Variants in RAB30 observed in about 807,000 individuals in gnomAD.
RAB30 encodes the protein RAB30, member RAS oncogene family.
A neutral mutation model predicts 25.1 loss-of-function variants in RAB30; 9 were observed. The ratio of observed to expected loss-of-function variants is 0.36; its 90% CI spans 0.22 to 0.63. RAB30 has a LOEUF of 0.63. Among genes scored for constraint, RAB30 ranks in the 20% least tolerant of loss-of-function variants. The pLI is 0.69. For missense variants in RAB30, 140 were observed against 243.5 expected (o/e 0.58, Z 2.83); for synonymous variants, 77 against 86.4 (o/e 0.89, Z 0.60).
chr11:83,070,983 C>T (rs1400950767), intron 1 of RAB30, among the ~76,000 whole-genome samples: 1 of 152,208 alleles, frequency 6.6e-6, no homozygotes, highest in African/African-American at 2.4e-5. Context: ...ACAAATCTGT[C>T]GGCTCCACTT....
At chr11:83,028,192 CA>C (rs1857770246) in intron 1 of RAB30, among the ~76,000 whole-genome samples, 1 of 152,028 alleles carries the variant, frequency 6.6e-6, no homozygotes, top group South Asian at 2.1e-4. Flanking sequence ...ACATAGAGAA[CA>C]AAAAGAGCTC....
Position 83,069,464 on chromosome 11 carries a change from G to A in RAB30, c.-9+2227C>T, listed in dbSNP as rs143417953. Among the ~76,000 whole-genome samples the A allele has an allele frequency of 2.4e-4, 37 of 152,268 alleles. No individual in the cohort carries two copies. The East Asian group carries it at 6.7e-3, about 28-fold the overall frequency. ...ATAACAAACTTCTTTCCTGCACAGA[G>A]GAGAAGAAACAACCAGGGTGGGTGG... On this transcript the variant is annotated intron_variant, in intron 1 of 4. Coordinates refer to ENST00000527633, the MANE Select transcript of RAB30 (RefSeq NM_001286060.2).
intron 4 of RAB30, among the ~76,000 whole-genome samples, chr11:82,985,241 A>G (rs1856719025): frequency 6.6e-6 from 1 of 152,242 alleles, no homozygotes; most frequent in Non-Finnish European, 1.5e-5. Context: ...TTGGGATTAC[A>G]GGCATGAGTC....
chr11:83,001,354 T>G (rs1857081179), intron 1 of RAB30, among the ~76,000 whole-genome samples: 2 of 152,162 alleles, frequency 1.3e-5, no homozygotes, highest in African/African-American at 4.8e-5. Flanking sequence ...TTTTTAAATT[T>G]TTTTTGTAGA....
chr11:83,026,793 C>T (rs1857725922), intron 1 of RAB30, among the ~76,000 whole-genome samples: 2 of 140,428 alleles, frequency 1.4e-5, no homozygotes, highest in African/African-American at 5.6e-5. Context: ...CACAAAAATT[C>T]AGTAAAGTGC....
intron 1 of RAB30, among the ~76,000 whole-genome samples, chr11:83,016,567 T>C (rs1857443227): frequency 6.6e-6 from 1 of 152,128 alleles, no homozygotes; most frequent in Non-Finnish European, 1.5e-5. Context: ...ATTACAAAGA[T>C]CTATAAGACT....
chr11:82,994,260 C>T, intron 2 of RAB30, 138 bp from the exon 3 acceptor site: 1 of 676,708 alleles, frequency 1.5e-6, no homozygotes, highest in Non-Finnish European at 2.6e-6. Context: ...ACTCTGGTTA[C>T]TCTCAAGGGA....
At chr11:82,999,775 A>T (rs574253751) in intron 1 of RAB30, among the ~76,000 whole-genome samples, 1 of 152,160 alleles carries the variant, frequency 6.6e-6, no homozygotes, top group African/African-American at 2.4e-5. Context: ...CTCAGCTTCA[A>T]CATGACTTCC....
At chr11:83,035,974 T>C (rs1435093038) in intron 1 of RAB30, among the ~76,000 whole-genome samples, 1 of 152,172 alleles carries the variant, frequency 6.6e-6, no homozygotes, top group African/African-American at 2.4e-5. Context: ...AGGCTTTGAC[T>C]GGTGGTGGAC....
intron 1 of RAB30, among the ~76,000 whole-genome samples, chr11:83,034,945 A>C (rs772151364): frequency 3.3e-5 from 5 of 152,076 alleles, no homozygotes; most frequent in Non-Finnish European, 7.4e-5. Context: ...TAAAAAGAAA[A>C]GAAAGGAAAA....
intron 1 of RAB30, among the ~76,000 whole-genome samples, chr11:83,031,057 T>C (rs1857845746): frequency 6.6e-6 from 1 of 152,132 alleles, no homozygotes; most frequent in Admixed American, 6.5e-5. Flanking sequence ...GAAATGACCA[T>C]GCAAGGAGGT....
chr11:83,017,505 A>C (rs1473651321), intron 1 of RAB30, among the ~76,000 whole-genome samples: 2 of 152,002 alleles, frequency 1.3e-5, no homozygotes, highest in Non-Finnish European at 2.9e-5. Context: ...CACTGTACCC[A>C]ATGTGTAGTC....
chr11:83,026,580 G>A (rs1796611187), intron 1 of RAB30, among the ~76,000 whole-genome samples: 1 of 152,178 alleles, frequency 6.6e-6, no homozygotes, highest in Non-Finnish European at 1.5e-5. Context: ...CCAGCACCAT[G>A]CTTCCTGTAA....
At chr11:83,026,808 T>C (rs966461660) in intron 1 of RAB30, among the ~76,000 whole-genome samples, 8 of 103,822 alleles carry the variant, frequency 7.7e-5, no homozygotes, top group Non-Finnish European at 1.6e-4. Flanking sequence ...AAGTGCTTTA[T>C]TTTTATTAAA....
chr11:83,063,235 G>A (rs1858622989), intron 1 of RAB30, among the ~76,000 whole-genome samples: 1 of 152,124 alleles, frequency 6.6e-6, no homozygotes, highest in South Asian at 2.1e-4. Context: ...TGCTTCTACT[G>A]AAATTCAGAA....
chr11:82,979,659 G>T lies in RAB30; in HGVS notation c.*2506C>A, dbSNP rs1434213395. 6.6e-6 allele frequency: 1 copy of T among 152,156 alleles called. No homozygotes were observed. The highest frequency in any genetic ancestry group is 1.5e-5 in the Non-Finnish European group (1 of 68,034). The allele number at this position is 152,156 out of a possible 1,614,324, so 9.4% of individuals were successfully genotyped here. ...ATTTATTGCACCTACAATATTGTCA[G>T]GGATTGTTTTCAAACTTCAGATATA... On this transcript the variant is annotated 3_prime_UTR_variant, in exon 5 of 5. Coordinates refer to ENST00000527633, the MANE Select transcript of RAB30 (RefSeq NM_001286060.2).
At chr11:82,992,450 C>A in intron 3 of RAB30, 1 of 453,894 alleles carries the variant, frequency 2.2e-6, no homozygotes, top group Admixed American at 2.4e-5. Context: ...ATTCAAGGAC[C>A]TCCTCCTAAA....
At chr11:83,058,070 T>C (rs1223663951) in intron 1 of RAB30, among the ~76,000 whole-genome samples, 2 of 152,218 alleles carry the variant, frequency 1.3e-5, no homozygotes, top group African/African-American at 4.8e-5. Flanking sequence ...TTATTTTTAA[T>C]TAATTTCAGA....
chr11:83,070,882 A>G (rs1206395735), intron 1 of RAB30, among the ~76,000 whole-genome samples: 1 of 152,238 alleles, frequency 6.6e-6, no homozygotes, highest in Non-Finnish European at 1.5e-5. Context: ...GTTATTTGTG[A>G]GTAGTGACTA....
Sources: allele counts gnomAD v4.1 joint callset (sites outside exome capture counted in the v4.1 genomes callset), GRCh38; gene constraint gnomAD v4.1.1; transcripts MANE v1.5; gene names NCBI Gene and HGNC (gene_info 2026-07-23, HGNC 2026-07-21).